Variants in RASGRF2 observed in about 807,000 individuals in gnomAD.
The protein encoded by RASGRF2 is ras-specific guanine nucleotide-releasing factor 2.
A neutral mutation model predicts 151.0 loss-of-function variants in RASGRF2; 76 were observed. The observed-to-expected ratio is 0.50, with a 90% CI of 0.42 to 0.61. The LOEUF is 0.61. Among genes scored for constraint, RASGRF2 ranks in the 20% least tolerant of loss-of-function variants. The probability of loss-of-function intolerance (pLI) is 0.00; values close to 1 mark genes in which losing one functional copy is unlikely to be tolerated. For synonymous variants in RASGRF2, 504 were observed against 566.5 expected, an observed-to-expected ratio of 0.89 and a Z score of 1.57; for missense variants, 1,148 against 1,564.6, an observed-to-expected ratio of 0.73 and a Z score of 4.49.
intron 1 of RASGRF2, among the ~76,000 whole-genome samples, chr5:81,003,112 A>G (rs1489098408): frequency 6.6e-6 from 1 of 151,932 alleles, no homozygotes; most frequent in Non-Finnish European, 1.5e-5. Context: ...GCTAGAGTGC[A>G]GTGGGTGATC....
chr5:81,023,254 T>C (rs1458510363), intron 1 of RASGRF2, among the ~76,000 whole-genome samples: 1 of 152,242 alleles, frequency 6.6e-6, no homozygotes, highest in Non-Finnish European at 1.5e-5. Context: ...GAGGAACTTA[T>C]TGTCATTGTA....
chr5:81,087,301 G>A (rs1435045056), intron 9 of RASGRF2: 1 of 702,960 alleles, frequency 1.4e-6, no homozygotes, highest in African/African-American at 1.7e-5. Context: ...CCAGGCCAAG[G>A]CCCAGGAGAA....
At chr5:81,017,594 A>C (rs951466224) in intron 1 of RASGRF2, among the ~76,000 whole-genome samples, 1 of 152,238 alleles carries the variant, frequency 6.6e-6, no homozygotes, top group Non-Finnish European at 1.5e-5. Flanking sequence ...AAGATTTGAC[A>C]ATAAAGAATG....
At chr5:81,161,055 G>A (rs1754372035) in intron 17 of RASGRF2, among the ~76,000 whole-genome samples, 1 of 152,182 alleles carries the variant, frequency 6.6e-6, no homozygotes, top group African/African-American at 2.4e-5. Flanking sequence ...CTATACTAGA[G>A]TAGGTAGATT....
At chr5:81,199,279 C>T (rs1053526094) in intron 18 of RASGRF2, among the ~76,000 whole-genome samples, 1 of 152,212 alleles carries the variant, frequency 6.6e-6, no homozygotes, top group Admixed American at 6.5e-5. Flanking sequence ...ATGACACTGA[C>T]ATTTCTGAAG....
intron 2 of RASGRF2, among the ~76,000 whole-genome samples, chr5:81,063,396 G>A (rs1052499104): frequency 3.3e-5 from 5 of 151,936 alleles, no homozygotes; most frequent in African/African-American, 9.7e-5. Context: ...ATAGATGCCC[G>A]CCACCACACC....
At chr5:80,982,660 G>T (rs1453844660) in intron 1 of RASGRF2, among the ~76,000 whole-genome samples, 3 of 150,600 alleles carry the variant, frequency 2.0e-5, no homozygotes, top group Admixed American at 6.6e-5. Flanking sequence ...GAGTGCAGTG[G>T]CACAATCTTG....
In RASGRF2 at chr5:81,080,618, C is replaced by T. The variant is rs1333699293; in HGVS notation, c.990C>T (p.Leu330=). ...CAGCTGATCTGTTTGATATTTTGCT[C>T]CCCATGCTGAACATTTATCAAGAAT... ...LILADLFDIL[L]PMLNIYQEFV... Residue 330 remains leucine, a synonymous_variant, in exon 7 of 27, where the codon CTC becomes CTT. Coordinates refer to ENST00000265080, the MANE Select transcript of RASGRF2 (RefSeq NM_006909.3). 2 of 1,613,758 alleles carry T rather than the reference C, an allele frequency of 1.2e-6. No homozygotes were observed. Among genetic ancestry groups the T allele is most frequent in the East Asian group, 4.5e-5 (2 of 44,898 alleles).
rs1756044472 is a variant in RASGRF2, at chr5:81,228,384, T to C, written c.*2614T>C. 1 of 152,206 alleles carries C rather than the reference T, an allele frequency of 6.6e-6. No homozygotes were observed. Among genetic ancestry groups the C allele is most frequent in the Non-Finnish European group, 1.5e-5 (1 of 68,042 alleles). 9.4% of individuals were successfully genotyped at this position (152,206 alleles called of 1,614,324 possible). On this transcript the variant is annotated 3_prime_UTR_variant, in exon 27 of 27. Coordinates refer to ENST00000265080, the MANE Select transcript of RASGRF2 (RefSeq NM_006909.3). ...AATGCACATTTTAAAATCCCTTCAA[T>C]TTGGTCAAATTAAAAATCCCCAAGA... is the stretch of plus-strand genomic sequence containing the variant.
chr5:81,102,449 C>A (rs1238968520), intron 12 of RASGRF2, among the ~76,000 whole-genome samples: 1 of 152,182 alleles, frequency 6.6e-6, no homozygotes, highest in Admixed American at 6.5e-5. Context: ...AATCCCAGCA[C>A]TTTGGGAGGC....
chr5:81,105,802 C>G (rs1053528711), intron 12 of RASGRF2, among the ~76,000 whole-genome samples: 4 of 152,156 alleles, frequency 2.6e-5, no homozygotes, highest in Non-Finnish European at 5.9e-5. Context: ...CTCATTACCC[C>G]ACCCCCTGAC....
chr5:81,151,299 G>T (rs981779606), intron 17 of RASGRF2, among the ~76,000 whole-genome samples: 1 of 151,858 alleles, frequency 6.6e-6, no homozygotes, highest in Admixed American at 6.6e-5. Context: ...ATCTCTGGCT[G>T]TACTGCAAGT....
intron 1 of RASGRF2, among the ~76,000 whole-genome samples, chr5:81,038,765 G>A (rs1021515786): frequency 2.6e-5 from 4 of 151,658 alleles, no homozygotes; most frequent in Admixed American, 2.6e-4. Flanking sequence ...CTGTAGAGAT[G>A]GGGCTTTGCC....
intron 1 of RASGRF2, among the ~76,000 whole-genome samples, chr5:80,971,355 C>T (rs1019188882): frequency 1.3e-5 from 2 of 152,178 alleles, no homozygotes; most frequent in African/African-American, 2.4e-5. Flanking sequence ...TTGGATTTCT[C>T]TTCCTCAACA....
chr5:81,040,302 C>A (rs1454813392), intron 1 of RASGRF2, among the ~76,000 whole-genome samples: 3 of 152,100 alleles, frequency 2.0e-5, no homozygotes, highest in Admixed American at 6.6e-5. Flanking sequence ...AGCCACCATG[C>A]TTAATTTATT....
chr5:81,081,725 G>A lies in RASGRF2; in HGVS notation c.1161+936G>A, dbSNP rs2112479785. ...TCATTTTGCAGCCTCAGAAAGAAAT[G>A]TGGCTGTGGTGCACAATTGTTTGCC... is the stretch of plus-strand genomic sequence containing the variant. On this transcript the variant is annotated intron_variant, in intron 7 of 26. Coordinates refer to ENST00000265080, the MANE Select transcript of RASGRF2 (RefSeq NM_006909.3). Among the ~76,000 whole-genome samples the A allele has an allele frequency of 1.3e-5, 2 of 152,356 alleles. 1 individual carries two copies. Among genetic ancestry groups the A allele is most frequent in the South Asian group, 4.1e-4 (2 of 4,832 alleles).
Position 81,225,795 on chromosome 5 carries a change from A to T in RASGRF2, c.*25A>T. 6.2e-7 allele frequency: 1 copy of T among 1,605,556 alleles called. No homozygotes were observed. The highest frequency in any genetic ancestry group is 2.2e-5 in the East Asian group (1 of 44,736). On this transcript the variant is annotated 3_prime_UTR_variant, in exon 27 of 27. Coordinates refer to ENST00000265080, the MANE Select transcript of RASGRF2 (RefSeq NM_006909.3). ...AAGATCTGGCCTTGCCCCTGAGTCC[A>T]CGGGATGTTCATGGAAAGCAGGACA...
At chr5:81,014,935 T>C (rs1468000258) in intron 1 of RASGRF2, among the ~76,000 whole-genome samples, 1 of 152,188 alleles carries the variant, frequency 6.6e-6, no homozygotes, top group Admixed American at 6.5e-5. Flanking sequence ...TGTATTTATT[T>C]TTGAGACAGG....
intron 9 of RASGRF2, among the ~76,000 whole-genome samples, chr5:81,089,877 A>G (rs1434199095): frequency 6.6e-6 from 1 of 152,242 alleles, no homozygotes; most frequent in Non-Finnish European, 1.5e-5. Flanking sequence ...TAAACTTTAA[A>G]AGCCAAGATC....
Sources: allele counts gnomAD v4.1 joint callset (sites outside exome capture counted in the v4.1 genomes callset), GRCh38; gene constraint gnomAD v4.1.1; transcripts MANE v1.5; gene names NCBI Gene and HGNC (gene_info 2026-07-23, HGNC 2026-07-21).